Variants in PCDHA1 observed in about 807,000 individuals in gnomAD.
The protein encoded by PCDHA1 is protocadherin alpha 1, also known as protocadherin alpha-1.
A neutral mutation model predicts 61.3 loss-of-function variants in PCDHA1; 42 were observed. The observed-to-expected ratio is 0.69, with a 90% CI of 0.54 to 0.89. The LOEUF is 0.89. PCDHA1 is among the 40% of genes least tolerant of loss of function. The pLI is 0.00. For synonymous variants in PCDHA1, 610 were observed against 553.8 expected, an observed-to-expected ratio of 1.10 and a Z score of -1.43; for missense variants, 1,256 against 1,235.3, an observed-to-expected ratio of 1.02 and a Z score of -0.25.
chr5:141,003,638 G>C (rs2098132492), intron 3 of PCDHA1, among the ~76,000 whole-genome samples: 1 of 152,118 alleles, frequency 6.6e-6, no homozygotes, highest in Admixed American at 6.6e-5. Flanking sequence ...TAAAGTAGAA[G>C]TGAAGATCTG....
At chr5:140,800,857 C>A in intron 1 of PCDHA1, 1 of 231,988 alleles carries the variant, frequency 4.3e-6, no homozygotes, top group Non-Finnish European at 8.1e-6. Flanking sequence ...TATAAAAGTT[C>A]TAAGGAAATA....
chr5:140,875,485 G>C (rs367652529), intron 1 of PCDHA1: 10 of 1,611,542 alleles, frequency 6.2e-6, no homozygotes, highest in Non-Finnish European at 7.6e-6. Context: ...GGTGATTATC[G>C]GACCAAGAGG....
intron 1 of PCDHA1, chr5:140,853,641 A>G (rs1211855290): frequency 1.0e-6 from 1 of 988,686 alleles, no homozygotes; most frequent in East Asian, 1.1e-4. Context: ...ACAGACCTAA[A>G]TTGAGCCTGT....
intron 1 of PCDHA1, chr5:140,848,371 A>T: frequency 8.8e-7 from 1 of 1,131,148 alleles, no homozygotes; most frequent in Non-Finnish European, 1.3e-6. Context: ...AAAGAGGCTC[A>T]ATTCTTTTTC....
intron 2 of PCDHA1, among the ~76,000 whole-genome samples, chr5:140,981,687 A>ATCATTCAT (rs200213847): frequency 0.01 from 1,586 of 152,088 alleles, 32 homozygotes; most frequent in African/African-American, 0.036. Flanking sequence ...CCTCCCTTCC[A>ATCATTCAT]TCATTCATTC....
chr5:140,904,156 G>C (rs1554191312), intron 1 of PCDHA1, among the ~76,000 whole-genome samples: 1 of 152,028 alleles, frequency 6.6e-6, no homozygotes, highest in Non-Finnish European at 1.5e-5. Flanking sequence ...ATTGCACCCA[G>C]TTTGTAGTCT....
intron 1 of PCDHA1, chr5:140,797,137 G>C: frequency 6.8e-6 from 11 of 1,614,006 alleles, no homozygotes; most frequent in Non-Finnish European, 5.1e-6. Flanking sequence ...GCGGTGCTCG[G>C]TGCCACCCAC....
At chr5:140,906,248 T>C (rs143429198) in intron 1 of PCDHA1, among the ~76,000 whole-genome samples, 45 of 152,272 alleles carry the variant, frequency 3.0e-4, no homozygotes, top group African/African-American at 1.1e-3. Context: ...CTTGAACCCA[T>C]ACACACCTCC....
chr5:140,920,029 T>G (rs1584162393), intron 1 of PCDHA1, among the ~76,000 whole-genome samples: 1 of 152,118 alleles, frequency 6.6e-6, no homozygotes, highest in African/African-American at 2.4e-5. Flanking sequence ...GAGACAGAGA[T>G]TGGAGTGATG....
chr5:140,830,840 T>G (rs1048325789), intron 1 of PCDHA1: 1 of 154,714 alleles, frequency 6.5e-6, no homozygotes, highest in African/African-American at 2.4e-5. Flanking sequence ...ATAATTTTTT[T>G]ACATATACTC....
chr5:140,822,285 G>A, intron 1 of PCDHA1: 1 of 1,614,220 alleles, frequency 6.2e-7, no homozygotes, highest in Non-Finnish European at 8.5e-7. Context: ...TGAGATACAG[G>A]TTAAATCCAA....
chr5:140,841,449 C>T (rs2150315739), intron 1 of PCDHA1: 8 of 1,612,922 alleles, frequency 5.0e-6, no homozygotes, highest in South Asian at 1.1e-5. Context: ...AAACACGGCA[C>T]CTTCGTGGGC....
In PCDHA1 at chr5:141,010,289, C is replaced by G. The variant is rs2098416832; in HGVS notation, c.*352C>G. The G allele has an allele frequency of 4.5e-6, 7 of 1,550,274 alleles. No homozygotes were observed. The highest frequency in any genetic ancestry group is 3.9e-5 in the Admixed American group (2 of 50,654). ...GGGGATCCTGTCTTGATGACACTTG[C>G]AGGGCAGGCTGAAAAGTTTTGAGAT... On this transcript the variant is annotated 3_prime_UTR_variant, in exon 4 of 4. Transcript: ENST00000504120.
In PCDHA1 at chr5:140,844,942, G is replaced by GGACTCT. The variant is rs2150375378; in HGVS notation, c.2394+56261_2394+56266dup. On this transcript the variant is annotated intron_variant, in intron 1 of 3. Transcript: ENST00000504120. ...GATGGAAGGGAATGAACGATTTCTG[G>GGACTCT]GACTCTGAATTCTTACAGTTTGTTA... Among the ~76,000 whole-genome samples, 244 of 149,148 alleles carry GGACTCT rather than the reference G, an allele frequency of 1.6e-3. 12 individuals are homozygous for GGACTCT. The highest frequency in any genetic ancestry group is 2.1e-3 in the Non-Finnish European group (141 of 66,614).
At chr5:140,877,958 C>A in intron 1 of PCDHA1, 1 of 1,319,110 alleles carries the variant, frequency 7.6e-7, no homozygotes, top group Non-Finnish European at 1.0e-6. Flanking sequence ...AATGTCTCAT[C>A]TTTCTTGGTC....
At chr5:140,915,626 GTCTCTCTCTC>G (rs57920489) in intron 1 of PCDHA1, among the ~76,000 whole-genome samples, 5 of 146,436 alleles carry the variant, frequency 3.4e-5, no homozygotes, top group Admixed American at 2.0e-4. Context: ...GTCTCTTTCT[GTCTCTCTCTC>G]TCTCTCTCTC....
chr5:140,823,982 C>A, intron 1 of PCDHA1: 1 of 1,614,046 alleles, frequency 6.2e-7, no homozygotes, highest in Non-Finnish European at 8.5e-7. Context: ...CGGGGCAAGC[C>A]CACTCTGTTG....
intron 1 of PCDHA1, chr5:140,841,189 TTTCTC>T: frequency 8.1e-7 from 1 of 1,233,560 alleles, no homozygotes; most frequent in East Asian, 2.5e-5. Flanking sequence ...TTCAAAGTCT[TTTCTC>T]TGACAGCATC....
In PCDHA1 at chr5:140,857,745, C is replaced by A. The variant is rs782206343; in HGVS notation, c.2394+69061C>A. ...AACGACAACGCTCCCGCGCTGCTGG[C>A]GTCTCCCGCTGGCAGCGCGGGCGGT... is the stretch of plus-strand genomic sequence containing the variant. On this transcript the variant is annotated intron_variant, in intron 1 of 3. Coordinates refer to ENST00000504120, the MANE Select transcript of PCDHA1 (RefSeq NM_018900.4). 4.6e-5 allele frequency: 73 copies of A among 1,597,310 alleles called. 8 individuals carry two copies. Among genetic ancestry groups the A allele is most frequent in the Non-Finnish European group, 5.8e-5 (68 of 1,167,612 alleles).
Sources: gnomAD v4.1 joint callset for allele counts (sites outside exome capture counted in the v4.1 genomes callset) on GRCh38, gnomAD v4.1.1 for gene constraint, MANE v1.5 for transcripts, NCBI Gene and HGNC (gene_info 2026-07-23, HGNC 2026-07-21) for gene names.